CALCRL: variants seen among roughly 807,000 people sequenced by gnomAD.
The protein encoded by CALCRL is calcitonin receptor like receptor.
Under a neutral mutation model 60.4 loss-of-function variants are expected in CALCRL, and 27 were observed. That is an observed-to-expected ratio of 0.45 (90% CI 0.33 to 0.62). CALCRL has a LOEUF of 0.62. Ranked by LOEUF, CALCRL falls within the 20% of genes least tolerant of loss-of-function variation. The pLI is 0.03. For missense variants in CALCRL, 424 were observed against 540.7 expected, an observed-to-expected ratio of 0.78 and a Z score of 2.14; for synonymous variants, 190 against 182.6, an observed-to-expected ratio of 1.04 and a Z score of -0.33.
chr2:187,369,804 G>A lies in CALCRL; in HGVS notation c.501-6302C>T, dbSNP rs927359882. On this transcript the variant is annotated intron_variant, in intron 8 of 14. Coordinates refer to ENST00000392370, the MANE Select transcript of CALCRL (RefSeq NM_005795.6). ...GATACAAAAAGAATGTGGCCAGGGT[G>A]AGAAGAATACTTAACATACAGTTGA... Among the ~76,000 whole-genome samples, 24 of 152,318 alleles carry A rather than the reference G, an allele frequency of 1.6e-4. 1 individual carries two copies. The South Asian group carries it at 4.8e-3, about 30-fold the overall frequency.
chr2:187,407,065 A>G (rs970467244), intron 1 of CALCRL, among the ~76,000 whole-genome samples: 3 of 152,004 alleles, frequency 2.0e-5, no homozygotes, highest in Non-Finnish European at 4.4e-5. Flanking sequence ...GCCTTCTAAC[A>G]GCACACTATC....
chr2:187,383,853 T>G (rs543975399), intron 4 of CALCRL, among the ~76,000 whole-genome samples: 31 of 152,222 alleles, frequency 2.0e-4, no homozygotes, highest in African/African-American at 7.2e-4. Context: ...TAAATAGAAA[T>G]TTTTCTTGTA....
At chr2:187,421,914 A>G (rs1449859762) in intron 1 of CALCRL, among the ~76,000 whole-genome samples, 1 of 152,134 alleles carries the variant, frequency 6.6e-6, no homozygotes, top group Non-Finnish European at 1.5e-5. Flanking sequence ...ACAAAATTCA[A>G]AGCTTCTTGG....
At chr2:187,438,290 A>G (rs1690736146) in intron 1 of CALCRL, among the ~76,000 whole-genome samples, 1 of 152,196 alleles carries the variant, frequency 6.6e-6, no homozygotes, top group South Asian at 2.1e-4. Context: ...TTTATAAAAG[A>G]GTCCTTTGGC....
At chr2:187,413,507 CT>C (rs1267876908) in intron 1 of CALCRL, among the ~76,000 whole-genome samples, 7 of 152,184 alleles carry the variant, frequency 4.6e-5, no homozygotes, top group African/African-American at 1.7e-4. Context: ...TGCGATAAGA[CT>C]ATAATAGAAG....
intron 1 of CALCRL, among the ~76,000 whole-genome samples, chr2:187,435,861 TGTGC>T (rs1051835152): frequency 4.1e-4 from 61 of 148,094 alleles, no homozygotes; most frequent in East Asian, 1.8e-3. Context: ...TGTGTGTGTT[TGTGC>T]GTGCGTGTGT....
chr2:187,384,026 G>C lies in CALCRL; in HGVS notation c.52-721C>G, dbSNP rs527617599. Among the ~76,000 whole-genome samples the C allele has an allele frequency of 7.9e-5, 12 of 152,002 alleles. No homozygotes were observed. In the East Asian group the frequency reaches 2.3e-3, roughly 29 times the overall value. On this transcript the variant is annotated intron_variant, in intron 4 of 14. Coordinates refer to ENST00000392370, the MANE Select transcript of CALCRL (RefSeq NM_005795.6). ...TTTTTTAACACTTTTAGCAGTAATTGTTGCATAATTTCTATTAACTATATC... is the reference window on the plus strand; with the variant it reads ...TTTTTTAACACTTTTAGCAGTAATTCTTGCATAATTTCTATTAACTATATC...
chr2:187,360,503 T>G (rs1687007963), intron 10 of CALCRL, 95 bp downstream of exon 10: 1 of 1,017,712 alleles, frequency 9.8e-7, no homozygotes, highest in South Asian at 2.2e-5. Flanking sequence ...TTAAAAATGA[T>G]TACTCATTGG....
rs1196787511 is a variant in CALCRL, at chr2:187,342,201, C to A, written c.*3983G>T. ...TCTAGAATAGGGAAATCTGTTGAGA[C>A]AGAATGTAAATTAGTGATGTTTATA... On this transcript the variant is annotated 3_prime_UTR_variant, in exon 15 of 15. Coordinates refer to ENST00000392370, the MANE Select transcript of CALCRL (RefSeq NM_005795.6). Among the ~76,000 whole-genome samples the A allele has an allele frequency of 6.6e-6, 1 of 151,596 alleles. No homozygotes were observed. Among genetic ancestry groups the A allele is most frequent in the Non-Finnish European group, 1.5e-5 (1 of 67,734 alleles).
At chr2:187,428,192 T>C (rs993521505) in intron 1 of CALCRL, 1 of 152,172 alleles carries the variant, frequency 6.6e-6, no homozygotes, top group Non-Finnish European at 1.5e-5. Flanking sequence ...TGGTAGACTT[T>C]CATGGCACTT....
At chr2:187,364,175 G>A (rs541771245) in intron 8 of CALCRL, among the ~76,000 whole-genome samples, 3 of 59,728 alleles carry the variant, frequency 5.0e-5, no homozygotes, top group African/African-American at 9.7e-5. Context: ...ACTGTGTGGA[G>A]TTCACATAGA....
At chr2:187,361,829 T>C (rs1440943453) in intron 9 of CALCRL, among the ~76,000 whole-genome samples, 1 of 151,974 alleles carries the variant, frequency 6.6e-6, no homozygotes, top group Non-Finnish European at 1.5e-5. Context: ...TTTCATTATA[T>C]ACGATGCCTC....
intron 3 of CALCRL, among the ~76,000 whole-genome samples, chr2:187,386,071 A>G (rs1688192987): frequency 6.6e-6 from 1 of 152,192 alleles, no homozygotes; most frequent in Non-Finnish European, 1.5e-5. Context: ...TCAAATGTTA[A>G]GGAGCTTATA....
Position 187,379,044 on chromosome 2 carries a change from T to G in CALCRL, c.409-13A>C. 1.3e-6 allele frequency: 2 copies of G among 1,545,330 alleles called. No homozygotes were observed. Among genetic ancestry groups the G allele is most frequent in the Non-Finnish European group, 1.8e-6 (2 of 1,122,780 alleles). ...AATTTAGTGCAGTCTGTAATTTGTA[T>G]AAACAAAAAAATTTGGTTCATATCA... is the stretch of plus-strand genomic sequence containing the variant. On this transcript the variant is annotated splice_polypyrimidine_tract_variant and intron_variant, in intron 7 of 14. Coordinates refer to ENST00000392370, the MANE Select transcript of CALCRL (RefSeq NM_005795.6).
chr2:187,363,719 A>T (rs898897499), intron 8 of CALCRL, among the ~76,000 whole-genome samples: 8 of 152,182 alleles, frequency 5.3e-5, no homozygotes, highest in Admixed American at 3.9e-4. Context: ...AGAGGTAGAT[A>T]TACATAGGGA....
chr2:187,416,021 C>G (rs1689589317), intron 1 of CALCRL, among the ~76,000 whole-genome samples: 1 of 152,080 alleles, frequency 6.6e-6, no homozygotes, highest in African/African-American at 2.4e-5. Flanking sequence ...CGTCATGTAC[C>G]ATCAACAAAG....
At chr2:187,392,005 A>G (rs1368799175) in intron 1 of CALCRL, among the ~76,000 whole-genome samples, 1 of 152,120 alleles carries the variant, frequency 6.6e-6, no homozygotes, top group African/African-American at 2.4e-5. Flanking sequence ...ATTGTACATA[A>G]GCATTAGAAA....
intron 1 of CALCRL, among the ~76,000 whole-genome samples, chr2:187,427,870 G>A (rs1690216230): frequency 6.6e-6 from 1 of 152,144 alleles, no homozygotes; most frequent in Non-Finnish European, 1.5e-5. Context: ...AGAAATAAGT[G>A]ACATCTAAAA....
intron 1 of CALCRL, among the ~76,000 whole-genome samples, chr2:187,402,455 G>A (rs1389607282): frequency 4.0e-5 from 6 of 151,436 alleles, no homozygotes; most frequent in African/African-American, 1.5e-4. Flanking sequence ...GAGAGAGAGA[G>A]AGACATCTAC....
Sources: gnomAD v4.1 joint callset for allele counts (sites outside exome capture counted in the v4.1 genomes callset) on GRCh38, gnomAD v4.1.1 for gene constraint, MANE v1.5 for transcripts, NCBI Gene and HGNC (gene_info 2026-07-23, HGNC 2026-07-21) for gene names.